The following KCNH7 variants were observed in gnomAD, a reference collection of about 807,000 sequenced individuals.
KCNH7 encodes the protein voltage-gated inwardly rectifying potassium channel KCNH7.
KCNH7 carries 49 observed loss-of-function variants against 120.8 expected under a neutral mutation model. That is an observed-to-expected ratio of 0.41 (90% confidence interval 0.32 to 0.51). The LOEUF is 0.51. Among genes scored for constraint, KCNH7 ranks in the 20% least tolerant of loss-of-function variants. The pLI, the probability that KCNH7 is intolerant of heterozygous loss-of-function variation, is 0.38. For missense variants in KCNH7, 1,097 were observed against 1,446.6 expected (o/e 0.76, Z 3.92); for synonymous variants, 547 against 516.1 (o/e 1.06, Z -0.81).
intron 2 of KCNH7, among the ~76,000 whole-genome samples, chr2:162,563,490 ATTC>A (rs1693145154): frequency 6.6e-6 from 1 of 152,172 alleles, no homozygotes; most frequent in Non-Finnish European, 1.5e-5. Context: ...CAAAGTGATT[ATTC>A]TTTTTCTAGC....
chr2:162,717,386 A>G (rs1687162592), intron 2 of KCNH7, among the ~76,000 whole-genome samples: 1 of 152,068 alleles, frequency 6.6e-6, no homozygotes, highest in Non-Finnish European at 1.5e-5. Context: ...GATCCAAATG[A>G]TCTGACTCCA....
chr2:162,550,246 T>C (rs1692623530), intron 2 of KCNH7, among the ~76,000 whole-genome samples: 1 of 152,172 alleles, frequency 6.6e-6, no homozygotes, highest in Admixed American at 6.5e-5. Context: ...AGAATTGAAA[T>C]GGTGGTATAA....
At chr2:162,606,661 G>C (rs1290300992) in intron 2 of KCNH7, among the ~76,000 whole-genome samples, 2 of 152,120 alleles carry the variant, frequency 1.3e-5, no homozygotes, top group Non-Finnish European at 2.9e-5. Flanking sequence ...ACTATTTTCT[G>C]CCTACCAGGA....
chr2:162,735,769 G>A (rs914870628), intron 2 of KCNH7, among the ~76,000 whole-genome samples: 5 of 152,202 alleles, frequency 3.3e-5, no homozygotes, highest in East Asian at 3.9e-4. Flanking sequence ...TCCTTCACTC[G>A]GGTGGCCATG....
chr2:162,491,412 G>A (rs572027757), intron 6 of KCNH7, among the ~76,000 whole-genome samples: 3 of 152,156 alleles, frequency 2.0e-5, no homozygotes, highest in South Asian at 2.1e-4. Context: ...CCCAATTCAC[G>A]GGACTCCCTT....
intron 2 of KCNH7, among the ~76,000 whole-genome samples, chr2:162,615,977 GAT>G (rs1683127041): frequency 6.6e-6 from 1 of 152,166 alleles, no homozygotes; most frequent in Non-Finnish European, 1.5e-5. Context: ...CTAAATTAGA[GAT>G]AGGAAAATTG....
At chr2:162,753,014 A>AAAAGAAAAGG in intron 2 of KCNH7, among the ~76,000 whole-genome samples, 1 of 148,248 alleles carries the variant, frequency 6.7e-6, no homozygotes, top group Middle Eastern at 3.3e-3. Context: ...AAAAGAAAAG[A>AAAAGAAAAGG]AAAGAAAAGA....
At chr2:162,414,581 T>A (rs1001581176) in intron 9 of KCNH7, among the ~76,000 whole-genome samples, 1 of 151,916 alleles carries the variant, frequency 6.6e-6, no homozygotes, top group Non-Finnish European at 1.5e-5. Context: ...CATAATTAAA[T>A]GTTTTTTAGA....
At chr2:162,641,815 G>A (rs1684167458) in intron 2 of KCNH7, among the ~76,000 whole-genome samples, 1 of 152,054 alleles carries the variant, frequency 6.6e-6, no homozygotes, top group Admixed American at 6.6e-5. Flanking sequence ...TATCATTGGT[G>A]GAAATGGGAT....
At chr2:162,757,438 G>T (rs1463138648) in intron 2 of KCNH7, among the ~76,000 whole-genome samples, 1 of 152,056 alleles carries the variant, frequency 6.6e-6, no homozygotes, top group Non-Finnish European at 1.5e-5. Context: ...GATTCCTGAT[G>T]AAATAATATA....
chr2:162,395,414 C>T (rs776786794), intron 11 of KCNH7, among the ~76,000 whole-genome samples: 2 of 151,688 alleles, frequency 1.3e-5, no homozygotes, highest in Non-Finnish European at 3.0e-5. Flanking sequence ...AAACATTACA[C>T]TTTGAACCCT....
intron 2 of KCNH7, among the ~76,000 whole-genome samples, chr2:162,804,475 C>G (rs948052637): frequency 6.6e-6 from 1 of 151,718 alleles, no homozygotes; most frequent in Non-Finnish European, 1.5e-5. Flanking sequence ...ATCTCTTTTA[C>G]GATAGCTGCA....
chr2:162,481,995 CA>C (rs1330959106), intron 6 of KCNH7, among the ~76,000 whole-genome samples: 273 of 135,362 alleles, frequency 2.0e-3, no homozygotes, highest in African/African-American at 6.7e-3. Flanking sequence ...TATCTATCAT[CA>C]ATCTATCTAT....
chr2:162,500,796 T>C (rs1435410812), intron 6 of KCNH7, among the ~76,000 whole-genome samples: 1 of 151,990 alleles, frequency 6.6e-6, no homozygotes, highest in Non-Finnish European at 1.5e-5. Context: ...ATGTTGAAAA[T>C]TTCCTGACAA....
intron 2 of KCNH7, among the ~76,000 whole-genome samples, chr2:162,683,764 G>A (rs1414750633): frequency 6.6e-6 from 1 of 151,308 alleles, no homozygotes; most frequent in Admixed American, 6.6e-5. Flanking sequence ...AGATATTTTT[G>A]AATGCCCAAA....
intron 2 of KCNH7, among the ~76,000 whole-genome samples, chr2:162,699,494 G>A (rs1369248): frequency 0.42 from 64,534 of 151,932 alleles, 19,670 homozygotes; most frequent in African/African-American, 0.84. Flanking sequence ...GTACTCTATA[G>A]CCTACACTAC....
chr2:162,825,623 AC>A (rs1685253902), intron 2 of KCNH7, among the ~76,000 whole-genome samples: 1 of 152,080 alleles, frequency 6.6e-6, no homozygotes, highest in Admixed American at 6.6e-5. Context: ...GGTTGAACAG[AC>A]TTTTGGTACA....
intron 2 of KCNH7, among the ~76,000 whole-genome samples, chr2:162,755,173 A>G (rs1325459625): frequency 6.6e-6 from 1 of 152,106 alleles, no homozygotes; most frequent in East Asian, 1.9e-4. Flanking sequence ...TGTACTTATT[A>G]CATAAAAAAA....
intron 6 of KCNH7, among the ~76,000 whole-genome samples, chr2:162,464,878 T>G (rs1689259181): frequency 6.6e-6 from 1 of 152,056 alleles, no homozygotes; most frequent in Non-Finnish European, 1.5e-5. Flanking sequence ...AAAGTGGTGG[T>G]TCCCCAACCC....
Sources: gnomAD v4.1 joint callset for allele counts (sites outside exome capture counted in the v4.1 genomes callset) on GRCh38, gnomAD v4.1.1 for gene constraint, MANE v1.5 for transcripts, NCBI Gene and HGNC (gene_info 2026-07-23, HGNC 2026-07-21) for gene names.